The following FBXL13 variants were observed in gnomAD, a reference collection of about 807,000 sequenced individuals.
FBXL13 encodes the protein F-box and leucine rich repeat protein 13.
Under a neutral mutation model 83.6 loss-of-function variants are expected in FBXL13, and 67 were observed. That is an observed-to-expected ratio of 0.80 (90% CI 0.66 to 0.98). FBXL13 has a LOEUF of 0.98. FBXL13 is among the 50% of genes least tolerant of loss of function. FBXL13 has a pLI of 0.00. For synonymous variants in FBXL13, 272 were observed against 299.5 expected, an observed-to-expected ratio of 0.91 and a Z score of 0.95; for missense variants, 822 against 866.5, an observed-to-expected ratio of 0.95 and a Z score of 0.64.
intron 14 of FBXL13, among the ~76,000 whole-genome samples, chr7:102,879,927 C>T (rs1401324874): frequency 3.3e-5 from 5 of 152,138 alleles, no homozygotes; most frequent in Non-Finnish European, 2.9e-5. Context: ...AGGATGGTCT[C>T]GATCTCCTGA....
At chr7:102,984,430 T>C (rs887936561) in intron 6 of FBXL13, among the ~76,000 whole-genome samples, 1 of 152,140 alleles carries the variant, frequency 6.6e-6, no homozygotes, top group Non-Finnish European at 1.5e-5. Context: ...CTTAAAGGAA[T>C]TGGCTTATGC....
At chr7:102,876,014 C>T (rs1292318624) in intron 16 of FBXL13, among the ~76,000 whole-genome samples, 3 of 152,132 alleles carry the variant, frequency 2.0e-5, no homozygotes, top group African/African-American at 7.2e-5. Context: ...ATCTAGTTGA[C>T]TTGTGTGAGT....
chr7:102,961,338 A>T (rs1825168359), intron 8 of FBXL13, among the ~76,000 whole-genome samples: 1 of 148,910 alleles, frequency 6.7e-6, no homozygotes, highest in South Asian at 2.2e-4. Context: ...ATAAAAGAGG[A>T]TACAAACAAA....
intron 14 of FBXL13, among the ~76,000 whole-genome samples, chr7:102,879,471 G>GTGTGTGTGTGTGTGTGT (rs1280348881): frequency 1.3e-5 from 2 of 151,624 alleles, no homozygotes; most frequent in African/African-American, 4.8e-5. Context: ...GTGTGTGTGT[G>GTGTGTGTGTGTGTGTGT]TAGAAATTCA....
intron 17 of FBXL13, among the ~76,000 whole-genome samples, chr7:102,853,659 C>CA (rs1805597245): frequency 6.6e-6 from 1 of 151,856 alleles, no homozygotes; most frequent in Non-Finnish European, 1.5e-5. Flanking sequence ...ACAATGAACT[C>CA]AAACAAATTT....
intron 11 of FBXL13, among the ~76,000 whole-genome samples, chr7:102,888,212 A>G (rs938111462): frequency 1.3e-5 from 2 of 152,230 alleles, no homozygotes; most frequent in African/African-American, 4.8e-5. Context: ...AAAGTCTGGG[A>G]AAGAGTGCAG....
chr7:103,013,281 T>C (rs1293319290), intron 6 of FBXL13, among the ~76,000 whole-genome samples: 2 of 152,146 alleles, frequency 1.3e-5, no homozygotes, highest in South Asian at 2.1e-4. Flanking sequence ...CTTGACCAAA[T>C]ATACCTAATA....
intron 1 of FBXL13, 90 bp from the exon 2 acceptor site, chr7:103,055,837 T>C (rs1563280840): frequency 1.8e-5 from 10 of 545,174 alleles, no homozygotes; most frequent in Non-Finnish European, 3.0e-5. Flanking sequence ...CAATTTGTTT[T>C]GGGTTTTTTT....
chr7:102,941,569 ACT>A (rs1821446112), intron 8 of FBXL13, among the ~76,000 whole-genome samples: 1 of 152,072 alleles, frequency 6.6e-6, no homozygotes, highest in Admixed American at 6.6e-5. Context: ...TGATAAATAG[ACT>A]CTGTCTAGGC....
chr7:102,964,102 C>A (rs1373270534), intron 7 of FBXL13, among the ~76,000 whole-genome samples: 1 of 151,842 alleles, frequency 6.6e-6, no homozygotes, highest in Non-Finnish European at 1.5e-5. Context: ...CTTGAGGCTG[C>A]GAGTTCAAGA....
chr7:102,957,134 A>G (rs533686000), intron 8 of FBXL13, among the ~76,000 whole-genome samples: 1 of 152,310 alleles, frequency 6.6e-6, no homozygotes, highest in South Asian at 2.1e-4. Flanking sequence ...ACTTCAAACT[A>G]TACTACAAGG....
chr7:103,008,473 A>G (rs1791221488), intron 6 of FBXL13, among the ~76,000 whole-genome samples: 1 of 152,208 alleles, frequency 6.6e-6, no homozygotes, highest in Non-Finnish European at 1.5e-5. Context: ...TTCAGGAAAA[A>G]ATATTCTTTG....
At chr7:102,882,394 C>G (rs1439629172) in intron 14 of FBXL13, among the ~76,000 whole-genome samples, 1 of 152,038 alleles carries the variant, frequency 6.6e-6, no homozygotes, top group African/African-American at 2.4e-5. Flanking sequence ...ATTATCTGGC[C>G]CTATAAGATT....
intron 11 of FBXL13, among the ~76,000 whole-genome samples, chr7:102,886,165 T>G (rs1020583252): frequency 6.6e-6 from 1 of 152,214 alleles, no homozygotes; most frequent in Non-Finnish European, 1.5e-5. Flanking sequence ...TAATTTGTTA[T>G]TTAGACTGCA....
intron 18 of FBXL13, among the ~76,000 whole-genome samples, chr7:102,829,564 G>A (rs774785281): frequency 1.3e-5 from 2 of 152,196 alleles, no homozygotes; most frequent in Non-Finnish European, 2.9e-5. Flanking sequence ...AAGTGACAGT[G>A]TTAACCACAG....
intron 8 of FBXL13, among the ~76,000 whole-genome samples, chr7:102,950,525 T>C (rs550604006): frequency 4.6e-5 from 7 of 152,166 alleles, no homozygotes; most frequent in South Asian, 4.1e-4. Context: ...CCCAAAGGAG[T>C]TGAAAGCTTA....
intron 6 of FBXL13, among the ~76,000 whole-genome samples, chr7:103,016,512 C>T (rs150095836): frequency 2.7e-4 from 41 of 152,062 alleles, no homozygotes; most frequent in Non-Finnish European, 3.7e-4. Flanking sequence ...GAGCGAGAGC[C>T]GAAGCAGGGC....
At chr7:102,932,477 A>T (rs1026214925) in intron 8 of FBXL13, among the ~76,000 whole-genome samples, 1 of 13,566 alleles carries the variant, frequency 7.4e-5, no homozygotes, top group Non-Finnish European at 2.0e-4. Flanking sequence ...TAAGTTGCAG[A>T]CACCAGTACA....
intron 6 of FBXL13, among the ~76,000 whole-genome samples, chr7:103,023,259 G>C (rs1350053997): frequency 6.6e-6 from 1 of 152,018 alleles, no homozygotes; most frequent in Non-Finnish European, 1.5e-5. Flanking sequence ...CTGAGCGACA[G>C]AATGAGACTC....
Sources: allele counts gnomAD v4.1 joint callset (sites outside exome capture counted in the v4.1 genomes callset), GRCh38; gene constraint gnomAD v4.1.1; transcripts MANE v1.5; gene names NCBI Gene and HGNC (gene_info 2026-07-23, HGNC 2026-07-21).